The following INVS variants were observed in gnomAD, a reference collection of about 807,000 sequenced individuals.
INVS encodes inversin, also known as inversion of embryo turning homolog.
Under a neutral mutation model 108.8 loss-of-function variants are expected in INVS, and 86 were observed. That is an observed-to-expected ratio of 0.79 (90% CI 0.66 to 0.95). The LOEUF is 0.95. Ranked by LOEUF, INVS falls within the 40% of genes least tolerant of loss-of-function variation. The pLI, the probability that INVS is intolerant of heterozygous loss-of-function variation, is 0.00. For missense variants in INVS, 1,169 were observed against 1,297.4 expected (o/e 0.90, Z 1.52); for synonymous variants, 455 against 473.5 (o/e 0.96, Z 0.51).
At chr9:100,189,334 C>G (rs1471258266) in intron 3 of INVS, among the ~76,000 whole-genome samples, 2 of 148,494 alleles carry the variant, frequency 1.3e-5, no homozygotes, top group Non-Finnish European at 3.0e-5. Flanking sequence ...AATAGGTTGT[C>G]AATTTGTGAT....
chr9:100,167,752 A>G (rs1829412740), intron 3 of INVS, among the ~76,000 whole-genome samples: 1 of 152,130 alleles, frequency 6.6e-6, no homozygotes, highest in Admixed American at 6.5e-5. Context: ...GCCTAGAACT[A>G]GTAGTTGGTG....
Position 100,292,411 on chromosome 9 carries a change from A to G in INVS, c.2154A>G (p.Gly718=), listed in dbSNP as rs1158522946. Reference sequence around the variant, plus strand: ...GCAGTGATGGAAGCAGGCATCCAGGAGTTCCCTCTGTTGAGAAGTCCAGAG... The same window carrying G: ...GCAGTGATGGAAGCAGGCATCCAGGGGTTCCCTCTGTTGAGAAGTCCAGAG... ...NEGSDGSRHP[G]VPSVEKSRGE... Residue 718 remains glycine, a synonymous_variant, in exon 14 of 17, where the codon GGA becomes GGG. Coordinates refer to ENST00000262457, the MANE Select transcript of INVS (RefSeq NM_014425.5). 6.2e-7 allele frequency: 1 copy of G among 1,614,156 alleles called. No individual in the cohort carries two copies. The highest frequency in any genetic ancestry group is 8.5e-7 in the Non-Finnish European group (1 of 1,180,026).
chr9:100,102,687 A>AAT (rs1364758498), intron 1 of INVS: 3 of 152,440 alleles, frequency 2.0e-5, no homozygotes, highest in African/African-American at 7.2e-5. Flanking sequence ...GTTTGGCATC[A>AAT]ATATGGTGAT....
intron 3 of INVS, among the ~76,000 whole-genome samples, chr9:100,135,119 G>T (rs1411258016): frequency 6.6e-6 from 1 of 152,190 alleles, no homozygotes; most frequent in East Asian, 1.9e-4. Context: ...GTATGCTTAA[G>T]ATTTATGCAC....
At chr9:100,258,745 C>T (rs890387353) in intron 10 of INVS, among the ~76,000 whole-genome samples, 7 of 152,130 alleles carry the variant, frequency 4.6e-5, no homozygotes, top group African/African-American at 1.4e-4. Flanking sequence ...TATTGCAGAA[C>T]GGCAAATGTT....
Position 100,265,225 on chromosome 9 carries a change from G to A in INVS, c.1571+297G>A, listed in dbSNP as rs535334306. ...CCCAAAGTGCTGGGATTATAGGCGT[G>A]AGCTACCATGCCCAGCCAAGTTGTT... is the stretch of plus-strand genomic sequence containing the variant. On this transcript the variant is annotated intron_variant, in intron 11 of 16. Transcript: ENST00000262457. Among the ~76,000 whole-genome samples, 18 of 152,192 alleles carry A rather than the reference G, an allele frequency of 1.2e-4. No individual in the cohort carries two copies. The South Asian group carries it at 3.7e-3, about 32-fold the overall frequency.
At chr9:100,112,638 C>T (rs899184250) in intron 2 of INVS, among the ~76,000 whole-genome samples, 2 of 148,902 alleles carry the variant, frequency 1.3e-5, no homozygotes, top group African/African-American at 2.5e-5. Context: ...ACATAAAATA[C>T]ACTAACACTA....
Position 100,252,906 on chromosome 9 carries a change from G to C in INVS, c.1235-1G>C, listed in dbSNP as rs1268534701. 1 of 1,610,584 alleles carries C rather than the reference G, an allele frequency of 6.2e-7. No individual in the cohort carries two copies. Among genetic ancestry groups the C allele is most frequent in the Non-Finnish European group, 8.5e-7 (1 of 1,177,038 alleles). ...TTCTCATTATATTTGTGCTTTTCCA[G>C]GTGGAGCAAGGGTAGATCTAGTTGA... On this transcript the variant is annotated splice_acceptor_variant, in intron 9 of 16. Coordinates refer to ENST00000262457, the MANE Select transcript of INVS (RefSeq NM_014425.5). LOFTEE classifies it high-confidence loss of function.
chr9:100,108,378 C>A (rs114169936), intron 2 of INVS, among the ~76,000 whole-genome samples: 248 of 152,248 alleles, frequency 1.6e-3, no homozygotes, highest in African/African-American at 5.7e-3. Context: ...TGCCACTCCT[C>A]ATCTTTTAAG....
chr9:100,298,122 A>AAT, intron 16 of INVS, 112 bp downstream of exon 16: 2 of 1,575,610 alleles, frequency 1.3e-6, no homozygotes, highest in African/African-American at 2.7e-5. Context: ...GGGTTTTCCA[A>AAT]TGGTCATTTG....
At chr9:100,118,429 G>A (rs1827619590) in intron 2 of INVS, among the ~76,000 whole-genome samples, 2 of 151,480 alleles carry the variant, frequency 1.3e-5, no homozygotes, top group South Asian at 2.1e-4. Context: ...GACTGGTCTC[G>A]GACTCCTGGC....
chr9:100,117,098 G>T (rs1827556895), intron 2 of INVS: 3 of 1,175,516 alleles, frequency 2.6e-6, no homozygotes, highest in African/African-American at 3.0e-5. Flanking sequence ...GCAAGGGACG[G>T]TGTGGGGCTT....
chr9:100,260,186 CTTTTTTTT>C (rs372496395), intron 10 of INVS, among the ~76,000 whole-genome samples: 1 of 101,496 alleles, frequency 9.9e-6, no homozygotes, highest in Non-Finnish European at 2.0e-5. Flanking sequence ...ATTTTCTTTT[CTTTTTTTT>C]TTTTTTTTTT....
Position 100,284,350 on chromosome 9 carries a change from G to C in INVS, c.1815G>C (p.Glu605Asp), listed in dbSNP as rs540466137. Residue 605 changes from glutamate to aspartate, a missense_variant, in exon 13 of 17, where the codon GAG (glutamate) becomes GAC (aspartate). This residue lies in a region of INVS where 271 missense variants were observed against 363.8 expected (regional missense o/e 0.74). Transcript: ENST00000262457. ...KKREEENKRK[E>D]AEQQKGRRSP... Reference sequence around the variant, plus strand: ...GAGAGGAAGAAAACAAACGAAAAGAGGCAGAACAGCAAAAAGGAAGGCGGA... The same window carrying C: ...GAGAGGAAGAAAACAAACGAAAAGACGCAGAACAGCAAAAAGGAAGGCGGA... 1.1e-5 allele frequency: 17 copies of C among 1,613,444 alleles called. No individual in the cohort carries two copies. The East Asian group carries it at 3.6e-4, about 34-fold the overall frequency.
At chr9:100,120,315 G>C (rs533718167) in intron 2 of INVS, 9 of 152,356 alleles carry the variant, frequency 5.9e-5, no homozygotes, top group Non-Finnish European at 1.5e-5. Context: ...AGAAGAAAAA[G>C]ACATCACTCA....
At chr9:100,268,694 C>T (rs1425832197) in intron 11 of INVS, among the ~76,000 whole-genome samples, 2 of 151,912 alleles carry the variant, frequency 1.3e-5, no homozygotes, top group Non-Finnish European at 2.9e-5. Context: ...CTTTTTTATG[C>T]TTAAAATTTT....
rs572796546 is a variant in INVS at position 100,249,401 on chromosome 9, A to T, written c.1078+2614A>T. Among the ~76,000 whole-genome samples, 137 of 152,302 alleles carry T rather than the reference A, an allele frequency of 9.0e-4. 3 individuals carry two copies. The South Asian group carries it at 0.027, about 30-fold the overall frequency. On this transcript the variant is annotated intron_variant, in intron 8 of 16. Transcript: ENST00000262457. ...ACTCTATAGATAATATCAATGTCAAATTTTTTTAAAAAATAAAATTTCAAT... is the reference window on the plus strand; with the variant it reads ...ACTCTATAGATAATATCAATGTCAATTTTTTTTAAAAAATAAAATTTCAAT...
intron 12 of INVS, 94 bp from the exon 13 acceptor site, chr9:100,284,226 G>T: frequency 7.1e-7 from 1 of 1,413,940 alleles, no homozygotes; most frequent in Non-Finnish European, 9.9e-7. Context: ...CTCCTGTGAT[G>T]TAGTAGCTCC....
At chr9:100,286,442 G>A (rs918634098) in intron 13 of INVS, among the ~76,000 whole-genome samples, 1 of 152,140 alleles carries the variant, frequency 6.6e-6, no homozygotes, top group Non-Finnish European at 1.5e-5. Context: ...TCAGGAGGCT[G>A]AATCACAAGA....
Sources: allele counts gnomAD v4.1 joint callset (sites outside exome capture counted in the v4.1 genomes callset), GRCh38; gene constraint gnomAD v4.1.1; regional missense constraint gnomAD v4.1.1; transcripts MANE v1.5; gene names NCBI Gene and HGNC (gene_info 2026-07-23, HGNC 2026-07-21).